The following TECTA variants were observed in gnomAD, a reference collection of about 807,000 sequenced individuals.
TECTA encodes the protein alpha-tectorin.
TECTA carries 128 observed loss-of-function variants against 216.8 expected under a neutral mutation model. The ratio of observed to expected loss-of-function variants is 0.59; its 90% CI spans 0.51 to 0.68. TECTA has a LOEUF of 0.68. Ranked by LOEUF, TECTA falls within the 30% of genes least tolerant of loss-of-function variation. TECTA has a pLI of 0.00. For synonymous variants in TECTA, 1,089 were observed against 1,117.1 expected (o/e 0.97, Z 0.50); for missense variants, 2,551 against 2,786.2 (o/e 0.92, Z 1.90).
intron 14 of TECTA, 79 bp downstream of exon 14, chr11:121,158,303 G>A (rs2135120970): frequency 6.4e-7 from 1 of 1,572,348 alleles, no homozygotes; most frequent in African/African-American, 1.3e-5. Flanking sequence ...GGTTCTCCCA[G>A]ATAGCCAAGT....
intron 20 of TECTA, among the ~76,000 whole-genome samples, chr11:121,187,107 A>C (rs1407309172): frequency 1.3e-5 from 2 of 152,208 alleles, no homozygotes; most frequent in Non-Finnish European, 2.9e-5. Context: ...GGTGTTGGAG[A>C]AAGGGCAGGA....
intron 3 of TECTA, among the ~76,000 whole-genome samples, chr11:121,106,636 G>C (rs1946392695): frequency 6.6e-6 from 1 of 152,148 alleles, no homozygotes; most frequent in Admixed American, 6.5e-5. Context: ...GCCGAGCCTG[G>C]CTTTATTGTT....
At chr11:121,101,924 C>T (rs914442922) in intron 1 of TECTA, among the ~76,000 whole-genome samples, 2 of 152,300 alleles carry the variant, frequency 1.3e-5, no homozygotes, top group East Asian at 1.9e-4. Flanking sequence ...TAAACTAACA[C>T]GAAAACAAGT....
At position 121,113,675 on chromosome 11, in the gene TECTA, T is replaced by C. The variant is rs1946467465; in HGVS notation, c.747T>C (p.Val249=). The C allele has an allele frequency of 6.2e-7, 1 of 1,613,562 alleles. No individual in the cohort carries two copies. Among genetic ancestry groups the C allele is most frequent in the Admixed American group, 1.7e-5 (1 of 59,976 alleles). ...TTCCAGGCCGCTGGGCATTTAAAGT[T>C]GATGGAAAGGAAATTGACCCAGCCA... ...VNVPGRWAFK[V]DGKEIDPANG... is the part of the protein sequence containing the mutation. Residue 249 remains valine, a synonymous_variant, in exon 6 of 24, where the codon GTT becomes GTC. Coordinates refer to ENST00000392793, the MANE Select transcript of TECTA (RefSeq NM_005422.4). The surrounding 1 kb of genome is among the most constrained non-coding windows in gnomAD (Gnocchi z 4.2).
Position 121,118,692 on chromosome 11 carries a change from C to T in TECTA, c.1177C>T (p.Pro393Ser), listed in dbSNP as rs142926325. ...VEVNGYKILI[P>S]KGSYGRVKVN... ...GGTGAATGGCTACAAGATTCTCATC[C>T]CCAAAGGAAGCTATGGAAGAGTCAA... The change falls in exon 7 of 24, where the codon CCC (proline) becomes TCC (serine). Residue 393 changes from proline to serine, a missense_variant. This residue lies in a region of TECTA where 2,375 missense variants were observed against 2,563.9 expected (regional missense o/e 0.93). Coordinates refer to ENST00000392793, the MANE Select transcript of TECTA (RefSeq NM_005422.4). 4.0e-5 allele frequency: 65 copies of T among 1,613,720 alleles called. No homozygotes were observed. The African/African-American group carries it at 7.9e-4, about 20-fold the overall frequency.
At chr11:121,120,876 A>G (rs753614915) in intron 7 of TECTA, among the ~76,000 whole-genome samples, 2 of 152,226 alleles carry the variant, frequency 1.3e-5, no homozygotes, top group Non-Finnish European at 2.9e-5. Context: ...CTTGGACTCT[A>G]GGGCTGGACC....
At chr11:121,164,226 C>T (rs956901692) in intron 16 of TECTA, among the ~76,000 whole-genome samples, 8 of 152,106 alleles carry the variant, frequency 5.3e-5, no homozygotes, top group African/African-American at 1.7e-4. Context: ...TTCAAGTGTA[C>T]AGTGTATTGG....
rs1468270931 is a variant in TECTA at position 121,118,404 on chromosome 11, G to A, written c.889G>A (p.Ala297Thr). 1 of 1,614,064 alleles carries A rather than the reference G, an allele frequency of 6.2e-7. No individual in the cohort carries two copies. Among genetic ancestry groups the A allele is most frequent in the African/African-American group, 1.3e-5 (1 of 74,932 alleles). ...CAACAATGAGATCTACTGCCAGGAGGCTTCCTGTAGCCCCTACGAGGTGTG... is the reference window on the plus strand; with the variant it reads ...CAACAATGAGATCTACTGCCAGGAGACTTCCTGTAGCCCCTACGAGGTGTG... ...DFNNEIYCQE[A>T]SCSPYEVCEP... Residue 297 changes from alanine to threonine, a missense_variant, in exon 7 of 24, where the codon GCT (alanine) becomes ACT (threonine). By Grantham distance (58) the Ala-to-Thr change is moderately conservative. Transcript: ENST00000392793.
At chr11:121,166,921 C>A in intron 18 of TECTA, 141 bp downstream of exon 18, 1 of 904,314 alleles carries the variant, frequency 1.1e-6, no homozygotes, top group Non-Finnish European at 1.7e-6. Context: ...GCATGTGCAA[C>A]ATGAAAGACA....
Position 121,160,227 on chromosome 11 carries a change from A to G in TECTA, c.4782A>G (p.Pro1594=). 1 of 1,614,230 alleles carries G rather than the reference A, an allele frequency of 6.2e-7. No homozygotes were observed. Among genetic ancestry groups the G allele is most frequent in the South Asian group, 1.1e-5 (1 of 91,074 alleles). Residue 1594 remains proline (P), a synonymous_variant, in exon 15 of 24, where the codon CCA becomes CCG. Coordinates refer to ENST00000392793, the MANE Select transcript of TECTA (RefSeq NM_005422.4). ...GGTTTCTGGTGATTGACACCAGCCC[A>G]GACATCCAGATATACTACAATGGTT... The part of the protein sequence containing the change: ...SEGFLVIDTS[P]DIQIYYNGFN...
intron 20 of TECTA, among the ~76,000 whole-genome samples, chr11:121,179,835 C>A (rs756354221): frequency 6.6e-6 from 1 of 152,054 alleles, no homozygotes; most frequent in African/African-American, 2.4e-5. Context: ...ACAAATATAG[C>A]TACTCCTGCT....
At chr11:121,161,564 T>TC (rs149770971) in intron 15 of TECTA, among the ~76,000 whole-genome samples, 84 of 1,844 alleles carry the variant, frequency 0.046, 20 homozygotes, top group South Asian at 0.094. Context: ...TCCCTTCCCT[T>TC]CCCTCCCCTT....
intron 12 of TECTA, among the ~76,000 whole-genome samples, chr11:121,147,984 T>C (rs1237454197): frequency 6.6e-6 from 1 of 152,160 alleles, no homozygotes; most frequent in Non-Finnish European, 1.5e-5. Context: ...CCCCAAGGAA[T>C]AAGGGCCCCC....
Position 121,125,895 on chromosome 11 carries a change from T to A in TECTA, c.1774+23T>A, listed in dbSNP as rs770328231. 3 of 1,601,948 alleles carry A rather than the reference T, an allele frequency of 1.9e-6. No individual in the cohort carries two copies. The Admixed American group carries it at 5.0e-5, about 27-fold the overall frequency. On this transcript the variant is annotated intron_variant, in intron 8 of 23. Transcript: ENST00000392793. ...GTGGTAAGCTGGCATCCCATCCCCA[T>A]GACAGGTCTCTCTTGTGCAGGGGGC...
At chr11:121,130,932 C>T (rs868366229) in intron 10 of TECTA, among the ~76,000 whole-genome samples, 84 of 150,262 alleles carry the variant, frequency 5.6e-4, no homozygotes, top group African/African-American at 2.0e-3. Flanking sequence ...ATTCCATCCC[C>T]GGCCGGGCAT....
chr11:121,155,443 G>A (rs1334153253), intron 13 of TECTA, among the ~76,000 whole-genome samples: 1 of 152,204 alleles, frequency 6.6e-6, no homozygotes. Context: ...CCCAGAATAT[G>A]TTACATAAGT....
Position 121,128,205 on chromosome 11 carries a change from G to A in TECTA, c.2228G>A (p.Cys743Tyr). Residue 743 changes from cysteine to tyrosine, a missense_variant, in exon 9 of 24, where the codon TGC becomes TAC. This residue lies in a region of TECTA where 2,375 missense variants were observed against 2,563.9 expected (regional missense o/e 0.93). Transcript: ENST00000392793. ...SEFSYTLLKT[C>Y]PERPEYLEID... The stretch of plus-strand genomic sequence containing the variant: ...TTCTCCTACACCCTCCTGAAGACCT[G>A]CCCTGAGCGCCCAGAGTACTTGGAA... 1 of 1,605,036 alleles carries A rather than the reference G, an allele frequency of 6.2e-7. No homozygotes were observed.
At chr11:121,176,439 AC>A (rs1214570090) in intron 20 of TECTA, among the ~76,000 whole-genome samples, 1 of 132,558 alleles carries the variant, frequency 7.5e-6, no homozygotes, top group Non-Finnish European at 1.6e-5. Context: ...TTTCTCCTTC[AC>A]TTATGAAGCT....
chr11:121,180,408 G>C (rs1438207331), intron 20 of TECTA, among the ~76,000 whole-genome samples: 1 of 151,636 alleles, frequency 6.6e-6, no homozygotes, highest in African/African-American at 2.4e-5. Flanking sequence ...TTGATTAGCA[G>C]GTTTTTTTTA....
Sources: allele counts gnomAD v4.1 joint callset (sites outside exome capture counted in the v4.1 genomes callset), GRCh38; gene constraint gnomAD v4.1.1; regional missense constraint gnomAD v4.1.1; non-coding constraint Gnocchi (gnomAD v3.1); transcripts MANE v1.5; gene names NCBI Gene and HGNC (gene_info 2026-07-23, HGNC 2026-07-21).